Variants in FOXP1 observed in about 807,000 individuals in gnomAD.
FOXP1 encodes forkhead box protein P1.
A neutral mutation model predicts 98.2 loss-of-function variants in FOXP1; 15 were observed. The ratio of observed to expected loss-of-function variants is 0.15; its 90% CI spans 0.10 to 0.24. The LOEUF (loss-of-function observed/expected upper bound fraction) is 0.24, where lower values mean the gene tolerates loss of function less well. FOXP1 is among the 10% of genes least tolerant of loss of function. FOXP1 has a pLI of 1.00. For synonymous variants in FOXP1, 371 were observed against 314.5 expected (o/e 1.18, Z -1.90); for missense variants, 633 against 848.5 (o/e 0.75, Z 3.15).
intron 3 of FOXP1, among the ~76,000 whole-genome samples, chr3:71,389,217 ATATGC>A (rs1417335989): frequency 9.2e-6 from 1 of 108,406 alleles, no homozygotes; most frequent in African/African-American, 3.7e-5. Flanking sequence ...TTAGGACTCC[ATATGC>A]TATATCTGTA....
intron 7 of FOXP1, among the ~76,000 whole-genome samples, chr3:71,077,837 T>TA (rs11404525): frequency 0.049 from 2,000 of 40,608 alleles, 22 homozygotes; most frequent in Non-Finnish European, 0.13. Context: ...TGTGCATATA[T>TA]TTTTTTTTTT....
At chr3:71,340,711 G>C (rs2076961369) in intron 4 of FOXP1, among the ~76,000 whole-genome samples, 1 of 152,048 alleles carries the variant, frequency 6.6e-6, no homozygotes. Context: ...GACCCTACCA[G>C]CTGCCCACAA....
intron 6 of FOXP1, among the ~76,000 whole-genome samples, chr3:71,136,484 T>C (rs1399589826): frequency 6.6e-6 from 1 of 152,202 alleles, no homozygotes; most frequent in Non-Finnish European, 1.5e-5. Context: ...TAATATACCA[T>C]GGTGCCTTGC....
At chr3:71,209,122 G>C (rs1489761650) in intron 5 of FOXP1, among the ~76,000 whole-genome samples, 1 of 151,990 alleles carries the variant, frequency 6.6e-6, no homozygotes, top group African/African-American at 2.4e-5. Context: ...CAAAAAACAG[G>C]CCCCTTTAAG....
chr3:71,345,871 T>TAAAAAAA lies in FOXP1; in HGVS notation c.-73+13272_-73+13278dup, dbSNP rs71120316. 2.7e-4 allele frequency among the ~76,000 whole-genome samples: 15 copies of TAAAAAAA among 55,092 alleles called. 1 individual carries two copies. Among genetic ancestry groups the TAAAAAAA allele is most frequent in the Admixed American group, 6.8e-4 (2 of 2,944 alleles). The allele number at this position is 55,092 out of a possible 152,430, so 36.1% of individuals were successfully genotyped here. ...AGGTTTGAAATCAATAAAGTTTTTG[T>TAAAAAAA]AAAAAAAAAAAAAAAAAAAAAAAAA... On this transcript the variant is annotated intron_variant, in intron 4 of 20. Coordinates refer to ENST00000649528, the MANE Select transcript of FOXP1 (RefSeq NM_001349338.3).
chr3:71,109,005 T>C (rs984713240), intron 7 of FOXP1, among the ~76,000 whole-genome samples: 1 of 152,220 alleles, frequency 6.6e-6, no homozygotes, highest in Non-Finnish European at 1.5e-5. Flanking sequence ...AATTTTCATT[T>C]GTATCATTCA....
intron 2 of FOXP1, among the ~76,000 whole-genome samples, chr3:71,578,188 T>C (rs1363142769): frequency 6.6e-6 from 1 of 152,208 alleles, no homozygotes; most frequent in Non-Finnish European, 1.5e-5. Context: ...GAAGTTGCAA[T>C]TAAATTGTAG....
intron 17 of FOXP1, among the ~76,000 whole-genome samples, chr3:70,974,480 G>A (rs1233853190): frequency 6.6e-6 from 1 of 151,416 alleles, no homozygotes; most frequent in Non-Finnish European, 1.5e-5. Flanking sequence ...AAAATTTTTT[G>A]TAGAGATGGG....
At chr3:71,222,273 T>A (rs956763546) in intron 5 of FOXP1, among the ~76,000 whole-genome samples, 1 of 152,136 alleles carries the variant, frequency 6.6e-6, no homozygotes, top group Non-Finnish European at 1.5e-5. Flanking sequence ...ACACACCTGG[T>A]AACACTGCCA....
At chr3:71,359,567 G>A (rs553656208) in intron 3 of FOXP1, among the ~76,000 whole-genome samples, 2 of 152,050 alleles carry the variant, frequency 1.3e-5, no homozygotes, top group Non-Finnish European at 2.9e-5. Context: ...TCTTTTTTCT[G>A]AGACAGGGTC....
At chr3:71,483,795 A>T (rs2090459384) in intron 3 of FOXP1, among the ~76,000 whole-genome samples, 1 of 152,152 alleles carries the variant, frequency 6.6e-6, no homozygotes, top group Admixed American at 6.5e-5. Context: ...ACCATCACAC[A>T]CATACACGAA....
chr3:71,431,103 A>G (rs550034542), intron 3 of FOXP1, among the ~76,000 whole-genome samples: 1 of 152,224 alleles, frequency 6.6e-6, no homozygotes, highest in Non-Finnish European at 1.5e-5. Flanking sequence ...CCTTGCGTGC[A>G]TGCAGCAAGC....
At chr3:71,200,746 C>T (rs2063621285) in intron 5 of FOXP1, among the ~76,000 whole-genome samples, 1 of 152,172 alleles carries the variant, frequency 6.6e-6, no homozygotes, top group Non-Finnish European at 1.5e-5. Context: ...CAGATTTCTG[C>T]CCCATACATG....
At chr3:71,328,601 G>A (rs1247781692) in intron 4 of FOXP1, among the ~76,000 whole-genome samples, 3 of 152,308 alleles carry the variant, frequency 2.0e-5, no homozygotes, top group Non-Finnish European at 2.9e-5. Context: ...TGCTTTCAAT[G>A]CAACCAGACA....
chr3:71,391,893 G>C (rs1326959464), intron 3 of FOXP1, among the ~76,000 whole-genome samples: 1 of 152,130 alleles, frequency 6.6e-6, no homozygotes, highest in Admixed American at 6.5e-5. Flanking sequence ...TACTACATTT[G>C]TCCTTGAAAA....
Position 70,957,241 on chromosome 3 carries a change from C to CT in FOXP1, c.*2005dup, listed in dbSNP as rs1254405061. 1 of 224,440 alleles carries CT rather than the reference C, an allele frequency of 4.5e-6. No individual in the cohort carries two copies. Among genetic ancestry groups the CT allele is most frequent in the Non-Finnish European group, 8.9e-6 (1 of 112,584 alleles). The allele number at this position is 224,440 out of a possible 1,614,324, so 13.9% of individuals were successfully genotyped here. On this transcript the variant is annotated 3_prime_UTR_variant, in exon 21 of 21. Coordinates refer to ENST00000649528, the MANE Select transcript of FOXP1 (RefSeq NM_001349338.3). ...TATCTGCAGTAGCCCCATAAAATCT[C>CT]TTTAAGAGAATGAGTTTTGGTCTCT...
intron 6 of FOXP1, among the ~76,000 whole-genome samples, chr3:71,154,208 T>C (rs867071660): frequency 6.6e-6 from 1 of 152,096 alleles, no homozygotes; most frequent in African/African-American, 2.4e-5. Context: ...CACCTACTTA[T>C]CATTTTTTTG....
chr3:71,448,604 A>G (rs867182430), intron 3 of FOXP1, among the ~76,000 whole-genome samples: 1 of 152,218 alleles, frequency 6.6e-6, no homozygotes, highest in African/African-American at 2.4e-5. Flanking sequence ...ACTAGTAGGT[A>G]ATAATGGTAC....
At chr3:71,049,451 C>T (rs1446834709) in intron 9 of FOXP1, among the ~76,000 whole-genome samples, 1 of 152,076 alleles carries the variant, frequency 6.6e-6, no homozygotes, top group African/African-American at 2.4e-5. Flanking sequence ...TCTCTTCCTC[C>T]CCTACCTAAG....
Sources: allele counts gnomAD v4.1 joint callset (sites outside exome capture counted in the v4.1 genomes callset), GRCh38; gene constraint gnomAD v4.1.1; transcripts MANE v1.5; gene names NCBI Gene and HGNC (gene_info 2026-07-23, HGNC 2026-07-21).